The following ECPAS variants were observed in gnomAD, a reference collection of about 807,000 sequenced individuals.
ECPAS encodes Ecm29 proteasome adaptor and scaffold, also known as proteasome adapter and scaffold protein ECM29.
ECPAS carries 70 observed loss-of-function variants against 255.1 expected under a neutral mutation model. That is an observed-to-expected ratio of 0.27 (90% confidence interval 0.23 to 0.33). The LOEUF (loss-of-function observed/expected upper bound fraction) is 0.33. Among genes scored for constraint, ECPAS ranks in the 10% least tolerant of loss-of-function variants. The pLI is 1.00. For missense variants in ECPAS, 1,817 were observed against 2,206.4 expected, an observed-to-expected ratio of 0.82 and a Z score of 3.54; for synonymous variants, 784 against 775.0, an observed-to-expected ratio of 1.01 and a Z score of -0.19.
At position 111,361,163 on chromosome 9, in the gene ECPAS, T is replaced by C. The variant is rs993805985; in HGVS notation, c.*867A>G. On this transcript the variant is annotated 3_prime_UTR_variant, in exon 50 of 50. Coordinates refer to ENST00000684092, the MANE Select transcript of ECPAS (RefSeq NM_001364929.1). Reference sequence around the variant, plus strand: ...GTCATTACAGTTTTGACATTATAAATGGTCTAAACCACGGCAGTCTGCGAT... The same window carrying C: ...GTCATTACAGTTTTGACATTATAAACGGTCTAAACCACGGCAGTCTGCGAT... 2.0e-5 allele frequency: 3 copies of C among 152,346 alleles called. No individual in the cohort carries two copies. The East Asian group carries it at 5.8e-4, about 29-fold the overall frequency. The allele number at this position is 152,346 out of a possible 1,614,324, so 9.4% of individuals were successfully genotyped here. A position where few individuals can be genotyped will look rare whatever the true frequency, so the allele number is the denominator to read the frequency against.
At chr9:111,471,915 T>G (rs777491624) in intron 2 of ECPAS, among the ~76,000 whole-genome samples, 5 of 151,436 alleles carry the variant, frequency 3.3e-5, no homozygotes, top group Admixed American at 1.3e-4. Flanking sequence ...CCAGCCTAGG[T>G]AACACACAGA....
At chr9:111,470,911 C>A (rs1446922338) in intron 2 of ECPAS, among the ~76,000 whole-genome samples, 2 of 152,014 alleles carry the variant, frequency 1.3e-5, no homozygotes, top group Non-Finnish European at 2.9e-5. Context: ...GCCCTTTCCC[C>A]CAGAGACAGC....
At chr9:111,431,083 C>T (rs1378351274) in intron 8 of ECPAS, among the ~76,000 whole-genome samples, 1 of 152,164 alleles carries the variant, frequency 6.6e-6, no homozygotes, top group African/African-American at 2.4e-5. Flanking sequence ...GAAATTAAAG[C>T]CACATCTAGG....
In ECPAS at chr9:111,432,241, T is replaced by C. The variant is rs796438808; in HGVS notation, c.848+992A>G. 1.3e-4 allele frequency among the ~76,000 whole-genome samples: 20 copies of C among 152,310 alleles called. 1 individual carries two copies. The highest frequency in any genetic ancestry group is 4.8e-4 in the African/African-American group (20 of 41,592). On this transcript the variant is annotated intron_variant, in intron 8 of 49. Transcript: ENST00000684092. ...ATATTGAGATAAAAGGATAGAAATA[T>C]CTTTATGATTCATTACTTATTGCAA... is the stretch of plus-strand genomic sequence containing the variant.
At chr9:111,442,939 T>C (rs2098247864) in intron 4 of ECPAS, among the ~76,000 whole-genome samples, 1 of 152,206 alleles carries the variant, frequency 6.6e-6, no homozygotes, top group Admixed American at 6.5e-5. Context: ...ACTGTGTGTT[T>C]CTGCAAGGTC....
chr9:111,483,328 G>A (rs1450606552), intron 1 of ECPAS, among the ~76,000 whole-genome samples: 6 of 151,542 alleles, frequency 4.0e-5, no homozygotes, highest in Admixed American at 1.3e-4. Context: ...ACAAACGCCA[G>A]CGGCGACGGT....
intron 31 of ECPAS, among the ~76,000 whole-genome samples, chr9:111,389,095 C>T (rs2098155267): frequency 6.6e-6 from 1 of 152,200 alleles, no homozygotes; most frequent in African/African-American, 2.4e-5. Context: ...TACTCAGAGA[C>T]AAGCCCTGAG....
intron 2 of ECPAS, among the ~76,000 whole-genome samples, chr9:111,452,973 G>A (rs754341097): frequency 3.9e-5 from 6 of 152,188 alleles, no homozygotes; most frequent in Non-Finnish European, 8.8e-5. Context: ...GTCGAGCACA[G>A]TGGCTTATGC....
rs200869001 is a variant in ECPAS at position 111,462,082 on chromosome 9, CAAAAAG to C, written c.23-10533_23-10528del. On this transcript the variant is annotated intron_variant, in intron 2 of 49. Coordinates refer to ENST00000684092, the MANE Select transcript of ECPAS (RefSeq NM_001364929.1). ...CACAGAGCCAAACCATATCATCAAA[CAAAAAG>C]AAAATCAATTCCAGATGGATCATAA... Among the ~76,000 whole-genome samples, 561 of 152,120 alleles carry C rather than the reference CAAAAAG, an allele frequency of 3.7e-3. 14 individuals are homozygous for C. Among genetic ancestry groups the C allele is most frequent in the Admixed American group, 0.032 (495 of 15,282 alleles).
intron 2 of ECPAS, among the ~76,000 whole-genome samples, chr9:111,456,769 G>C (rs1276265353): frequency 6.6e-6 from 1 of 152,106 alleles, no homozygotes; most frequent in Non-Finnish European, 1.5e-5. Flanking sequence ...CTCCTATCTA[G>C]GTCACTCATT....
intron 17 of ECPAS, 96 bp downstream of exon 17, chr9:111,417,787 G>T: frequency 8.7e-7 from 1 of 1,155,746 alleles, no homozygotes; most frequent in Non-Finnish European, 1.2e-6. Context: ...AATTTTATGA[G>T]TCAACATCTA....
intron 2 of ECPAS, among the ~76,000 whole-genome samples, chr9:111,470,343 C>T (rs2098285638): frequency 6.7e-6 from 1 of 150,240 alleles, no homozygotes; most frequent in Admixed American, 6.6e-5. Context: ...TGAAGTCTTG[C>T]TCTGTCACCC....
intron 1 of ECPAS, among the ~76,000 whole-genome samples, chr9:111,478,347 TGAAACC>T (rs2098299181): frequency 1.3e-5 from 2 of 150,652 alleles, no homozygotes; most frequent in Non-Finnish European, 3.0e-5. Context: ...GCCAACATGG[TGAAACC>T]CCGTCTCTAC....
At chr9:111,369,704 T>C (rs1208410613) in intron 45 of ECPAS, among the ~76,000 whole-genome samples, 4 of 152,254 alleles carry the variant, frequency 2.6e-5, no homozygotes, top group Non-Finnish European at 5.9e-5. Context: ...AAATATTTCA[T>C]GTTTCACAAA....
chr9:111,479,372 C>T (rs2098300636), intron 1 of ECPAS, among the ~76,000 whole-genome samples: 4 of 149,804 alleles, frequency 2.7e-5, no homozygotes, highest in South Asian at 2.1e-4. Flanking sequence ...CCAGGAGGGG[C>T]GGATCATGAG....
At chr9:111,376,402 T>C (rs746211521) in intron 37 of ECPAS, 74 bp downstream of exon 37, 70 of 1,227,252 alleles carry the variant, frequency 5.7e-5, no homozygotes, top group Middle Eastern at 1.9e-4. Flanking sequence ...TCATTTAACA[T>C]AGCCTGAAGA....
Position 111,484,097 on chromosome 9 carries a change from C to A in ECPAS, c.-83+19G>T. ...GCGCGCAGGGCCAGTCCCCCGCGGC[C>A]CGGGGGCGGGCCTCTGACCTGAGTC... On this transcript the variant is annotated intron_variant, in intron 1 of 49. Coordinates refer to ENST00000684092, the MANE Select transcript of ECPAS (RefSeq NM_001364929.1). The A allele has an allele frequency of 7.6e-7, 1 of 1,323,914 alleles. No homozygotes were observed. The highest frequency in any genetic ancestry group is 1.8e-5 in the South Asian group (1 of 54,498). 82.0% of individuals were successfully genotyped at this position (1,323,914 alleles called of 1,614,324 possible).
intron 1 of ECPAS, among the ~76,000 whole-genome samples, chr9:111,473,740 G>A (rs1191664974): frequency 6.6e-6 from 1 of 152,204 alleles, no homozygotes; most frequent in East Asian, 1.9e-4. Context: ...GCCGAGGAGG[G>A]CAGATTGCTT....
intron 35 of ECPAS, among the ~76,000 whole-genome samples, chr9:111,382,008 A>AACACACACACACAC (rs72204951): frequency 5.4e-4 from 80 of 147,126 alleles, no homozygotes; most frequent in African/African-American, 1.7e-3. Context: ...AATTTTGTAA[A>AACACACACACACAC]ACACACACAC....
Sources: gnomAD v4.1 joint callset for allele counts (sites outside exome capture counted in the v4.1 genomes callset) on GRCh38, gnomAD v4.1.1 for gene constraint, MANE v1.5 for transcripts, NCBI Gene and HGNC (gene_info 2026-07-23, HGNC 2026-07-21) for gene names.